The following KCNH7 variants were observed in gnomAD, a reference collection of about 807,000 sequenced individuals.
KCNH7 encodes the protein voltage-gated inwardly rectifying potassium channel KCNH7.
In KCNH7, 49 loss-of-function variants were observed where a neutral mutation model predicts 120.8. That is an observed-to-expected ratio of 0.41 (90% CI 0.32 to 0.51). KCNH7 has a LOEUF of 0.51. Ranked by LOEUF, KCNH7 falls within the 20% of genes least tolerant of loss-of-function variation. KCNH7 has a pLI of 0.38. For missense variants in KCNH7, 1,097 were observed against 1,446.6 expected (o/e 0.76, Z 3.92); for synonymous variants, 547 against 516.1 (o/e 1.06, Z -0.81).
chr2:162,789,023 G>C (rs1683821414), intron 2 of KCNH7, among the ~76,000 whole-genome samples: 1 of 142,562 alleles, frequency 7.0e-6, no homozygotes, highest in Admixed American at 7.1e-5. Context: ...ATCCAAAACT[G>C]TCAACTGAGA....
At chr2:162,724,853 T>C (rs1687462262) in intron 2 of KCNH7, among the ~76,000 whole-genome samples, 1 of 152,174 alleles carries the variant, frequency 6.6e-6, no homozygotes, top group African/African-American at 2.4e-5. Flanking sequence ...TATAGTCAAA[T>C]AGATATTATA....
intron 3 of KCNH7, among the ~76,000 whole-genome samples, chr2:162,535,455 A>T (rs1341547913): frequency 6.6e-6 from 1 of 151,810 alleles, no homozygotes; most frequent in Non-Finnish European, 1.5e-5. Context: ...AGTTCCATTT[A>T]TAATAGCAGC....
At chr2:162,402,585 A>G (rs1687097594) in intron 9 of KCNH7, among the ~76,000 whole-genome samples, 1 of 151,572 alleles carries the variant, frequency 6.6e-6, no homozygotes, top group African/African-American at 2.4e-5. Context: ...GCATTACACC[A>G]AGTAACAAAA....
intron 2 of KCNH7, among the ~76,000 whole-genome samples, chr2:162,778,085 A>C (rs1250752898): frequency 1.3e-5 from 2 of 152,116 alleles, no homozygotes; most frequent in African/African-American, 4.8e-5. Context: ...AAAAACAGAG[A>C]TCCTTCTTTC....
At chr2:162,471,881 A>C (rs1689548069) in intron 6 of KCNH7, among the ~76,000 whole-genome samples, 2 of 152,240 alleles carry the variant, frequency 1.3e-5, no homozygotes, top group African/African-American at 4.8e-5. Context: ...TACTCTTACC[A>C]AAACAGAGAT....
intron 7 of KCNH7, among the ~76,000 whole-genome samples, chr2:162,442,435 A>G (rs1305814107): frequency 9.2e-5 from 14 of 152,104 alleles, no homozygotes; most frequent in Admixed American, 9.2e-4. Context: ...TTTTTTTTCT[A>G]GGGTTGAATG....
chr2:162,372,145 G>C, intron 15 of KCNH7, 50 bp from the exon 16 acceptor site: 2 of 1,426,870 alleles, frequency 1.4e-6, no homozygotes, highest in Non-Finnish European at 1.9e-6. Flanking sequence ...TTGATAGATA[G>C]TCATTGAAAA....
At chr2:162,611,476 T>A (rs867591920) in intron 2 of KCNH7, among the ~76,000 whole-genome samples, 1 of 152,128 alleles carries the variant, frequency 6.6e-6, no homozygotes, top group Non-Finnish European at 1.5e-5. Context: ...TTGAATATGA[T>A]AATGAGCTAA....
intron 6 of KCNH7, among the ~76,000 whole-genome samples, chr2:162,496,009 C>T (rs183766040): frequency 9.2e-5 from 14 of 152,240 alleles, no homozygotes. Context: ...TTTACAGCTT[C>T]TGATAACCCA....
At chr2:162,589,671 G>A (rs1694139881) in intron 2 of KCNH7, among the ~76,000 whole-genome samples, 1 of 151,896 alleles carries the variant, frequency 6.6e-6, no homozygotes, top group Non-Finnish European at 1.5e-5. Context: ...CATGTACCAG[G>A]GATTGGAATC....
At chr2:162,806,178 C>T (rs2105555124) in intron 2 of KCNH7, among the ~76,000 whole-genome samples, 1 of 152,170 alleles carries the variant, frequency 6.6e-6, no homozygotes, top group South Asian at 2.1e-4. Flanking sequence ...CTCAGATTCA[C>T]CACTATGTAA....
In KCNH7 at chr2:162,576,653, T is replaced by G. The variant is rs562371303; in HGVS notation, c.308-39573A>C. ...AATATTTCTAGTGTTTTGGGTTTTT[T>G]GGGGTTTTTTTTTCCTGTTTACAAG... On this transcript the variant is annotated intron_variant, in intron 2 of 15. Transcript: ENST00000332142. Among the ~76,000 whole-genome samples the G allele has an allele frequency of 1.1e-3, 118 of 110,496 alleles. 2 individuals are homozygous for G. In the South Asian group the frequency reaches 0.024, roughly 23 times the overall value. 72.5% of individuals were successfully genotyped at this position (110,496 alleles called of 152,430 possible).
chr2:162,514,588 A>C (rs950266396), intron 4 of KCNH7, among the ~76,000 whole-genome samples: 3 of 151,778 alleles, frequency 2.0e-5, no homozygotes, highest in African/African-American at 7.2e-5. Flanking sequence ...AATATTTAGA[A>C]TCTTTTGTAG....
chr2:162,468,186 C>T lies in KCNH7; in HGVS notation c.1129-21743G>A, dbSNP rs112148346. Among the ~76,000 whole-genome samples the T allele has an allele frequency of 2.8e-3, 422 of 152,170 alleles. 2 individuals are homozygous for T. Among genetic ancestry groups the T allele is most frequent in the African/African-American group, 9.8e-3 (405 of 41,518 alleles). Reference sequence around the variant, plus strand: ...TGGCTCCACTTTTATGTGTTTGATACCTGTTTATGTTAACATGGAGGAGTC... The same window carrying T: ...TGGCTCCACTTTTATGTGTTTGATATCTGTTTATGTTAACATGGAGGAGTC... On this transcript the variant is annotated intron_variant, in intron 6 of 15. Coordinates refer to ENST00000332142, the MANE Select transcript of KCNH7 (RefSeq NM_033272.4).
chr2:162,776,713 T>C lies in KCNH7; in HGVS notation c.307+59824A>G, dbSNP rs568086680. ...GGGGACCTGACTGTACTGCATTCCA[T>C]AATCTTAAAAGGCAATGGGATTTTC... On this transcript the variant is annotated intron_variant, in intron 2 of 15. Transcript: ENST00000332142. 2.0e-5 allele frequency among the ~76,000 whole-genome samples: 3 copies of C among 152,296 alleles called. No individual in the cohort carries two copies. In the South Asian group the frequency reaches 6.2e-4, roughly 32 times the overall value.
At chr2:162,724,665 C>A (rs547079260) in intron 2 of KCNH7, among the ~76,000 whole-genome samples, 1 of 126,570 alleles carries the variant, frequency 7.9e-6, no homozygotes, top group African/African-American at 3.9e-5. Context: ...GAGCGAGACT[C>A]CGTCTCAAAA....
At chr2:162,714,715 T>C (rs1250392863) in intron 2 of KCNH7, among the ~76,000 whole-genome samples, 1 of 152,234 alleles carries the variant, frequency 6.6e-6, no homozygotes, top group African/African-American at 2.4e-5. Context: ...AAAAGCAGTC[T>C]AGACAATATG....
intron 2 of KCNH7, among the ~76,000 whole-genome samples, chr2:162,809,998 C>T (rs1352493909): frequency 1.3e-5 from 1 of 75,872 alleles, no homozygotes; most frequent in Non-Finnish European, 3.0e-5. Flanking sequence ...TCACTGCAAG[C>T]TCCGCCTCCC....
intron 6 of KCNH7, among the ~76,000 whole-genome samples, chr2:162,479,060 T>G (rs921154151): frequency 6.6e-6 from 1 of 151,694 alleles, no homozygotes; most frequent in East Asian, 1.9e-4. Context: ...GGTACAGTAC[T>G]GCACTCTAAA....
Sources: gnomAD v4.1 joint callset for allele counts (sites outside exome capture counted in the v4.1 genomes callset) on GRCh38, gnomAD v4.1.1 for gene constraint, MANE v1.5 for transcripts, NCBI Gene and HGNC (gene_info 2026-07-23, HGNC 2026-07-21) for gene names.